SCAI: variants seen among roughly 807,000 people sequenced by gnomAD.
The protein encoded by SCAI is suppressor of cancer cell invasion.
SCAI carries 24 observed loss-of-function variants against 92.2 expected under a neutral mutation model. The ratio of observed to expected loss-of-function variants is 0.26; its 90% CI spans 0.19 to 0.37. The LOEUF is 0.37. SCAI is among the 10% of genes least tolerant of loss of function. SCAI has a pLI of 1.00. For synonymous variants in SCAI, 261 were observed against 258.6 expected, an observed-to-expected ratio of 1.01 and a Z score of -0.09; for missense variants, 450 against 736.2, an observed-to-expected ratio of 0.61 and a Z score of 4.50.
intron 15 of SCAI, among the ~76,000 whole-genome samples, chr9:124,972,418 A>G (rs1218228624): frequency 6.6e-6 from 1 of 152,196 alleles, no homozygotes; most frequent in Non-Finnish European, 1.5e-5. Flanking sequence ...AAACGTGACT[A>G]GATGAGTAAA....
intron 17 of SCAI, among the ~76,000 whole-genome samples, chr9:124,954,083 ACAC>A (rs1433796192): frequency 6.6e-6 from 1 of 151,566 alleles, no homozygotes; most frequent in East Asian, 2.0e-4. Context: ...CAACCAATCT[ACAC>A]GCCTCGGGCC....
At chr9:125,061,547 C>G (rs1833768283) in intron 2 of SCAI, among the ~76,000 whole-genome samples, 1 of 152,140 alleles carries the variant, frequency 6.6e-6, no homozygotes, top group Non-Finnish European at 1.5e-5. Context: ...TCACTTGAGT[C>G]CAGAAGTTAG....
chr9:125,143,514 A>T lies in SCAI; in HGVS notation c.-77T>A. The T allele has an allele frequency of 8.0e-7, 1 of 1,242,248 alleles. No homozygotes were observed. Among genetic ancestry groups the T allele is most frequent in the Non-Finnish European group, 1.0e-6 (1 of 973,972 alleles). 77.0% of individuals were successfully genotyped at this position (1,242,248 alleles called of 1,614,324 possible). On this transcript the variant is annotated 5_prime_UTR_variant, in exon 1 of 18. Coordinates refer to ENST00000336505, the MANE Select transcript of SCAI (RefSeq NM_001144877.3). Reference sequence around the variant, plus strand: ...GGGAAGCTGAGGCGGCGGAGGCTGGAGTAGGCGGAGAGGCGGGAGGAGGGC... The same window carrying T: ...GGGAAGCTGAGGCGGCGGAGGCTGGTGTAGGCGGAGAGGCGGGAGGAGGGC...
chr9:124,994,458 G>A (rs1043424978), intron 14 of SCAI, among the ~76,000 whole-genome samples: 7 of 151,952 alleles, frequency 4.6e-5, no homozygotes, highest in Non-Finnish European at 8.8e-5. Context: ...TTTTTTTTGT[G>A]ATTGTCACAA....
intron 2 of SCAI, among the ~76,000 whole-genome samples, chr9:125,110,424 C>A (rs555205418): frequency 1.1e-4 from 17 of 152,282 alleles, no homozygotes; most frequent in Admixed American, 1.3e-4. Flanking sequence ...GTGGGAGGAT[C>A]ACTTGAGGCC....
intron 2 of SCAI, among the ~76,000 whole-genome samples, chr9:125,081,959 C>T (rs181211948): frequency 1.5e-4 from 23 of 152,214 alleles, no homozygotes; most frequent in Non-Finnish European, 3.1e-4. Flanking sequence ...ACCCATTTTC[C>T]GGGGAGACAT....
chr9:125,005,000 C>T (rs1248190961), intron 9 of SCAI, among the ~76,000 whole-genome samples: 2 of 150,996 alleles, frequency 1.3e-5, no homozygotes. Flanking sequence ...GTTGGTCAGG[C>T]TGGTCTTGAA....
Position 125,071,769 on chromosome 9 carries a change from T to C in SCAI, c.99-15762A>G, listed in dbSNP as rs559274014. ...AAAAAAAGAACACACAATTGCTTGA[T>C]ACACAGAGCAAAAGGAGTGTTGGTT... On this transcript the variant is annotated intron_variant, in intron 2 of 17. Coordinates refer to ENST00000336505, the MANE Select transcript of SCAI (RefSeq NM_001144877.3). Among the ~76,000 whole-genome samples, 5 of 152,310 alleles carry C rather than the reference T, an allele frequency of 3.3e-5. No individual in the cohort carries two copies. In the East Asian group the frequency reaches 9.6e-4, roughly 29 times the overall value.
chr9:125,034,459 G>A (rs1213839744), intron 3 of SCAI, among the ~76,000 whole-genome samples: 1 of 152,120 alleles, frequency 6.6e-6, no homozygotes, highest in Admixed American at 6.5e-5. Context: ...AACAGGGCAG[G>A]GTACAGCAGT....
At chr9:125,040,299 TG>T (rs1347629399) in intron 3 of SCAI, among the ~76,000 whole-genome samples, 1 of 152,188 alleles carries the variant, frequency 6.6e-6, no homozygotes, top group African/African-American at 2.4e-5. Flanking sequence ...CAAGGCTGCA[TG>T]CAGTAAGCCA....
At chr9:125,108,640 CGCCCCGTCTG>C (rs1834865501) in intron 2 of SCAI, among the ~76,000 whole-genome samples, 16 of 146,644 alleles carry the variant, frequency 1.1e-4, no homozygotes, top group East Asian at 6.2e-4. Flanking sequence ...GCCCGGCAGC[CGCCCCGTCTG>C]AGAAGTGAGG....
At chr9:125,107,666 T>A (rs182154934) in intron 2 of SCAI, among the ~76,000 whole-genome samples, 1 of 152,256 alleles carries the variant, frequency 6.6e-6, no homozygotes, top group East Asian at 1.9e-4. Context: ...CTCAGGAAGC[T>A]GAGGCAGGAG....
intron 2 of SCAI, among the ~76,000 whole-genome samples, chr9:125,103,444 A>T (rs187624637): frequency 1.3e-5 from 2 of 152,312 alleles, no homozygotes; most frequent in East Asian, 3.9e-4. Flanking sequence ...ATTTTTAATA[A>T]AAAGAACCAG....
intron 3 of SCAI, among the ~76,000 whole-genome samples, chr9:125,051,033 T>C (rs1250530469): frequency 1.3e-5 from 2 of 152,110 alleles, no homozygotes; most frequent in African/African-American, 2.4e-5. Context: ...TATTTATTTA[T>C]TTACTTAGAG....
At chr9:124,999,760 G>A in intron 13 of SCAI, 131 bp downstream of exon 13, 1 of 565,144 alleles carries the variant, frequency 1.8e-6, no homozygotes, top group Non-Finnish European at 3.0e-6. Context: ...AGTGTTTCTG[G>A]TCTGTCCCTA....
At chr9:125,079,353 G>A (rs1358435624) in intron 2 of SCAI, among the ~76,000 whole-genome samples, 1 of 152,130 alleles carries the variant, frequency 6.6e-6, no homozygotes, top group Non-Finnish European at 1.5e-5. Context: ...TGCTTAAATT[G>A]TGAGCCTTTT....
At chr9:125,050,511 C>A (rs1429635043) in intron 3 of SCAI, among the ~76,000 whole-genome samples, 2 of 152,114 alleles carry the variant, frequency 1.3e-5, no homozygotes, top group Admixed American at 1.3e-4. Context: ...GGAAGGCCTA[C>A]AAAACTGATA....
In SCAI at chr9:125,055,885, T is replaced by C. The variant is rs373100131; in HGVS notation, c.221A>G (p.Asn74Ser). The change falls in exon 3 of 18, where the codon AAT (asparagine) becomes AGT (serine). Residue 74 changes from asparagine (N) to serine (S), a missense_variant. Coordinates refer to ENST00000336505, the MANE Select transcript of SCAI (RefSeq NM_001144877.3). ...CCAAGAGTCCACTCACCTTAACCCA[T>C]TGAACAGTTGCTTAGATTTATCCAG... ...YLLDKSKQLF[N>S]GLRDLPQYGQ... 33 of 1,610,890 alleles carry C rather than the reference T, an allele frequency of 2.0e-5. No individual in the cohort carries two copies. Among genetic ancestry groups the C allele is most frequent in the South Asian group, 5.5e-5 (5 of 90,238 alleles).
intron 9 of SCAI, among the ~76,000 whole-genome samples, chr9:125,012,620 C>T (rs1479058295): frequency 2.0e-5 from 3 of 151,818 alleles, no homozygotes; most frequent in Admixed American, 6.6e-5. Flanking sequence ...GACAGATCAA[C>T]GAGACAGAAA....
Sources: gnomAD v4.1 joint callset for allele counts (sites outside exome capture counted in the v4.1 genomes callset) on GRCh38, gnomAD v4.1.1 for gene constraint, MANE v1.5 for transcripts, NCBI Gene and HGNC (gene_info 2026-07-23, HGNC 2026-07-21) for gene names.